CDCA2: variants seen among roughly 807,000 people sequenced by gnomAD.
CDCA2 encodes cell division cycle-associated protein 2.
CDCA2 carries 44 observed loss-of-function variants against 67.0 expected under a neutral mutation model. The observed-to-expected ratio is 0.66, with a 90% CI of 0.52 to 0.84. The LOEUF (loss-of-function observed/expected upper bound fraction) is 0.84. CDCA2 is among the 40% of genes least tolerant of loss of function. The pLI, the probability that CDCA2 is intolerant of heterozygous loss-of-function variation, is 0.00. For synonymous variants in CDCA2, 447 were observed against 418.7 expected, an observed-to-expected ratio of 1.07 and a Z score of -0.82; for missense variants, 1,253 against 1,203.2, an observed-to-expected ratio of 1.04 and a Z score of -0.61.
chr8:25,502,719 C>T (rs1387254686), intron 13 of CDCA2, among the ~76,000 whole-genome samples: 3 of 152,044 alleles, frequency 2.0e-5, no homozygotes, highest in Non-Finnish European at 4.4e-5. Context: ...GTGCGTCTTA[C>T]AGATATCTCA....
At chr8:25,468,532 GGTGTGTGTGTGTGTGTGT>G (rs3841182) in intron 6 of CDCA2, 119 bp downstream of exon 6, 82 of 424,192 alleles carry the variant, frequency 1.9e-4, no homozygotes, top group Middle Eastern at 6.1e-4. Flanking sequence ...TGGTTCCTGG[GGTGTGTGTGTGTGTGTGT>G]GTGTGTGCGT....
At chr8:25,478,913 T>TATATA (rs1803460265) in intron 7 of CDCA2, among the ~76,000 whole-genome samples, 1 of 149,384 alleles carries the variant, frequency 6.7e-6, no homozygotes, top group African/African-American at 2.5e-5. Context: ...TATATATATA[T>TATATA]TAACTTTTTA....
chr8:25,474,998 T>G (rs1284864787), intron 7 of CDCA2, among the ~76,000 whole-genome samples: 1 of 152,154 alleles, frequency 6.6e-6, no homozygotes, highest in Non-Finnish European at 1.5e-5. Context: ...CAGCCTGGCT[T>G]AGGGAAGACT....
At chr8:25,467,933 C>T (rs928502167) in intron 5 of CDCA2, among the ~76,000 whole-genome samples, 5 of 151,708 alleles carry the variant, frequency 3.3e-5, no homozygotes, top group African/African-American at 9.7e-5. Context: ...GCCTGACCAA[C>T]GTGGTGAAAC....
chr8:25,473,532 G>T (rs776674622), intron 7 of CDCA2, among the ~76,000 whole-genome samples: 40 of 152,066 alleles, frequency 2.6e-4, no homozygotes, highest in Admixed American at 3.9e-4. Context: ...TCCAGGAGAG[G>T]GGCTGCATCT....
chr8:25,502,004 T>A (rs1804497009), intron 13 of CDCA2, among the ~76,000 whole-genome samples: 1 of 152,118 alleles, frequency 6.6e-6, no homozygotes, highest in Admixed American at 6.5e-5. Flanking sequence ...TTCATGCAAT[T>A]CTCCTGCCTC....
At chr8:25,501,611 G>C (rs1443410704) in intron 13 of CDCA2, among the ~76,000 whole-genome samples, 2 of 152,230 alleles carry the variant, frequency 1.3e-5, no homozygotes, top group Admixed American at 6.5e-5. Flanking sequence ...CGCCCCCATA[G>C]TAGGCCAAAA....
chr8:25,477,511 C>T (rs927281467), intron 7 of CDCA2, among the ~76,000 whole-genome samples: 3 of 152,116 alleles, frequency 2.0e-5, no homozygotes, highest in Non-Finnish European at 2.9e-5. Context: ...TGGAGCATTT[C>T]TGGATTTTCA....
chr8:25,461,433 A>G (rs147368617), intron 3 of CDCA2, among the ~76,000 whole-genome samples: 1 of 152,344 alleles, frequency 6.6e-6, no homozygotes, highest in East Asian at 1.9e-4. Flanking sequence ...GAATTGGAGG[A>G]TAATGGAAGT....
In CDCA2 at chr8:25,483,605, T is replaced by A. The variant is rs905687513; in HGVS notation, c.1120+119T>A. On this transcript the variant is annotated intron_variant, in intron 9 of 14. Transcript: ENST00000330560. ...GCCTTAGTGCTTCTGAAATAACACG[T>A]GAATGAAGAACAGTTGAGAAGGTTA... 7 of 681,170 alleles carry A rather than the reference T, an allele frequency of 1.0e-5. No individual in the cohort carries two copies. In the Admixed American group the frequency reaches 2.2e-4, roughly 21 times the overall value. The allele number at this position is 681,170 out of a possible 1,614,324, so 42.2% of individuals were successfully genotyped here. A position where few individuals can be genotyped will look rare whatever the true frequency, so the allele number is the denominator to read the frequency against.
intron 14 of CDCA2, 82 bp from the exon 15 acceptor site, chr8:25,506,428 G>T: frequency 7.8e-7 from 1 of 1,287,978 alleles, no homozygotes; most frequent in Non-Finnish European, 1.0e-6. Context: ...AACAAAACAG[G>T]TCACCTGATT....
In CDCA2 at chr8:25,469,978, A is replaced by G. The variant is rs960288065; in HGVS notation, c.818A>G (p.Asn273Ser). ...LPLSELTETS[N>S]ALKVADCVVG... is the part of the protein sequence containing the mutation. ...CTTTCAGAGCTCACAGAGACTTCAAATGGTAAGTAATCTTTTCTTAGTACA... is the reference window on the plus strand; with the variant it reads ...CTTTCAGAGCTCACAGAGACTTCAAGTGGTAAGTAATCTTTTCTTAGTACA... The change falls in exon 7 of 15, where the codon AAT (asparagine) becomes AGT (serine). Residue 273 changes from asparagine to serine, a missense_variant and splice_region_variant. Transcript: ENST00000330560. The G allele has an allele frequency of 1.3e-6, 2 of 1,596,454 alleles. No individual in the cohort carries two copies. Among genetic ancestry groups the G allele is most frequent in the African/African-American group, 2.7e-5 (2 of 74,578 alleles).
chr8:25,503,956 G>A (rs1804578027), intron 14 of CDCA2, among the ~76,000 whole-genome samples: 1 of 152,026 alleles, frequency 6.6e-6, no homozygotes, highest in African/African-American at 2.4e-5. Flanking sequence ...GGAGCCTAAG[G>A]CGGAAGGATT....
intron 13 of CDCA2, among the ~76,000 whole-genome samples, chr8:25,499,839 T>TC (rs1262808793): frequency 2.0e-5 from 3 of 152,234 alleles, no homozygotes; most frequent in Non-Finnish European, 2.9e-5. Context: ...TCAAATGGCT[T>TC]CCCCCGGGGG....
intron 8 of CDCA2, 116 bp downstream of exon 8, chr8:25,480,240 T>G: frequency 1.1e-6 from 1 of 872,392 alleles, no homozygotes; most frequent in Admixed American, 3.1e-5. Flanking sequence ...CTTACTCGTC[T>G]TACCGTAAAT....
Position 25,487,256 on chromosome 8 carries a change from C to G in CDCA2, c.1455C>G (p.Thr485=), listed in dbSNP as rs961968260. ...SISETLSGTD[T]FSSSNNHEKI... Reference sequence around the variant, plus strand: ...TGTCTTGTTTATCAGGCACTGATACCTTTAGTTCTTCAAATAACCATGAGA... The same window carrying G: ...TGTCTTGTTTATCAGGCACTGATACGTTTAGTTCTTCAAATAACCATGAGA... The change falls in exon 12 of 15, where the codon ACC becomes ACG. Residue 485 remains threonine (T), a synonymous_variant. Coordinates refer to ENST00000330560, the MANE Select transcript of CDCA2 (RefSeq NM_152562.4). The G allele has an allele frequency of 6.2e-7, 1 of 1,610,148 alleles. No individual in the cohort carries two copies. Among genetic ancestry groups the G allele is most frequent in the Non-Finnish European group, 8.5e-7 (1 of 1,176,978 alleles).
chr8:25,489,915 G>A (rs1803936222), intron 13 of CDCA2, among the ~76,000 whole-genome samples: 1 of 152,166 alleles, frequency 6.6e-6, no homozygotes. Context: ...ACCATGCTAT[G>A]TCAAAATCAG....
intron 7 of CDCA2, among the ~76,000 whole-genome samples, chr8:25,471,141 G>GT (rs112860656): frequency 1.3e-5 from 2 of 152,046 alleles, no homozygotes; most frequent in Admixed American, 6.6e-5. Flanking sequence ...CATTTCTTAT[G>GT]TTGTTTTTTC....
chr8:25,506,754 T>A lies in CDCA2; in HGVS notation c.2088T>A (p.Asn696Lys), dbSNP rs984139087. ...ATAAAAATATTCCAAAAGCAAAAAA[T>A]AAGTCAGAAAGTGAAAATGAACCAA... ...NENKNIPKAK[N>K]KSESENEPKA... Residue 696 changes from asparagine to lysine, a missense_variant, in exon 15 of 15, where the codon AAT becomes AAA. Coordinates refer to ENST00000330560, the MANE Select transcript of CDCA2 (RefSeq NM_152562.4). 1.9e-6 allele frequency: 3 copies of A among 1,612,848 alleles called. No individual in the cohort carries two copies. Among genetic ancestry groups the A allele is most frequent in the African/African-American group, 2.7e-5 (2 of 74,772 alleles).
Sources: gnomAD v4.1 joint callset for allele counts (sites outside exome capture counted in the v4.1 genomes callset) on GRCh38, gnomAD v4.1.1 for gene constraint, MANE v1.5 for transcripts, NCBI Gene and HGNC (gene_info 2026-07-23, HGNC 2026-07-21) for gene names.